Variants in CHRM3 observed in about 807,000 individuals in gnomAD.
The protein encoded by CHRM3 is muscarinic acetylcholine receptor M3.
A neutral mutation model predicts 41.8 loss-of-function variants in CHRM3; 11 were observed. The observed-to-expected ratio is 0.26, with a 90% CI of 0.17 to 0.44. The LOEUF (loss-of-function observed/expected upper bound fraction) is 0.44. CHRM3 is among the 20% of genes least tolerant of loss of function. The probability of loss-of-function intolerance (pLI) is 1.00; values close to 1 mark genes in which losing one functional copy is unlikely to be tolerated. For missense variants in CHRM3, 571 were observed against 745.4 expected (o/e 0.77, Z 2.72); for synonymous variants, 297 against 301.4 (o/e 0.99, Z 0.15).
intron 5 of CHRM3, chr1:239,719,430 G>A (rs1301322870): frequency 6.6e-6 from 1 of 151,956 alleles, no homozygotes; most frequent in African/African-American, 2.4e-5. Context: ...GCAGTTCTAA[G>A]GTGATTACAG....
intron 3 of CHRM3, among the ~76,000 whole-genome samples, chr1:239,602,974 G>A (rs1572878052): frequency 6.6e-6 from 1 of 152,024 alleles, no homozygotes. Context: ...TTTTAATGTG[G>A]CAAAACTGGT....
intron 1 of CHRM3, among the ~76,000 whole-genome samples, chr1:239,422,577 T>C (rs1265778944): frequency 6.6e-6 from 1 of 151,776 alleles, no homozygotes; most frequent in African/African-American, 2.4e-5. Context: ...AGGCGGATCA[T>C]GAGGTCAGGA....
At chr1:239,402,824 A>C (rs1445942428) in intron 1 of CHRM3, among the ~76,000 whole-genome samples, 1 of 152,176 alleles carries the variant, frequency 6.6e-6, no homozygotes, top group Non-Finnish European at 1.5e-5. Context: ...CCTCCCATGA[A>C]ATTTAAATCA....
chr1:239,479,666 T>G (rs530242454), intron 1 of CHRM3, among the ~76,000 whole-genome samples: 1 of 152,356 alleles, frequency 6.6e-6, no homozygotes, highest in South Asian at 2.1e-4. Flanking sequence ...TACAAACCTG[T>G]GCAGCATGTT....
intron 4 of CHRM3, among the ~76,000 whole-genome samples, chr1:239,648,174 C>G (rs951095372): frequency 6.6e-6 from 1 of 152,158 alleles, no homozygotes; most frequent in African/African-American, 2.4e-5. Context: ...TCTGCCCTAT[C>G]CACCCCCAAG....
rs540514097 is a variant in CHRM3, at chr1:239,792,263, C to T, written c.-146-34989C>T. Among the ~76,000 whole-genome samples the T allele has an allele frequency of 3.7e-4, 57 of 152,292 alleles. 1 individual carries two copies. Among genetic ancestry groups the T allele is most frequent in the Admixed American group, 5.9e-4 (9 of 15,308 alleles). ...TGTTGAGTACTTATTATATGCCTGT[C>T]ATTGCACCAGACACCAGGGAGCAGT... is the stretch of plus-strand genomic sequence containing the variant. On this transcript the variant is annotated intron_variant, in intron 5 of 6. Coordinates refer to ENST00000676153, the MANE Select transcript of CHRM3 (RefSeq NM_001375978.1).
chr1:239,605,668 A>G (rs1235197212), intron 3 of CHRM3, among the ~76,000 whole-genome samples: 1 of 152,210 alleles, frequency 6.6e-6, no homozygotes, highest in Non-Finnish European at 1.5e-5. Flanking sequence ...TCCAGTTTAC[A>G]ATGTATAACC....
chr1:239,414,175 G>A (rs1661321920), intron 1 of CHRM3, among the ~76,000 whole-genome samples: 1 of 152,164 alleles, frequency 6.6e-6, no homozygotes, highest in Non-Finnish European at 1.5e-5. Context: ...GGCGTGCCTT[G>A]TAAGTGTTCT....
intron 1 of CHRM3, among the ~76,000 whole-genome samples, chr1:239,469,021 T>G (rs1261145774): frequency 6.6e-6 from 1 of 152,116 alleles, no homozygotes; most frequent in Non-Finnish European, 1.5e-5. Context: ...AGACCAAAAG[T>G]CATTAATTCA....
At chr1:239,837,077 CA>C (rs745377852) in intron 6 of CHRM3, among the ~76,000 whole-genome samples, 21 of 151,860 alleles carry the variant, frequency 1.4e-4, no homozygotes, top group Non-Finnish European at 2.9e-4. Flanking sequence ...GCATGATAAA[CA>C]GGGTTGTAAG....
chr1:239,412,873 G>A (rs1661208255), intron 1 of CHRM3, among the ~76,000 whole-genome samples: 2 of 152,060 alleles, frequency 1.3e-5, no homozygotes, highest in East Asian at 1.9e-4. Context: ...GAGGTCAAGA[G>A]ATGGAGACCA....
At chr1:239,500,714 C>G (rs527550441) in intron 2 of CHRM3, among the ~76,000 whole-genome samples, 3 of 101,746 alleles carry the variant, frequency 2.9e-5, no homozygotes, top group Non-Finnish European at 7.1e-5. Flanking sequence ...AAAACACAAA[C>G]AACAACAACA....
At chr1:239,657,619 C>T (rs1672830960) in intron 4 of CHRM3, among the ~76,000 whole-genome samples, 1 of 152,132 alleles carries the variant, frequency 6.6e-6, no homozygotes, top group African/African-American at 2.4e-5. Flanking sequence ...TTTTAATTGC[C>T]TTTTTATATT....
intron 5 of CHRM3, among the ~76,000 whole-genome samples, chr1:239,733,302 A>G (rs1664121121): frequency 6.6e-6 from 1 of 152,018 alleles, no homozygotes; most frequent in African/African-American, 2.4e-5. Flanking sequence ...AGCTCCCCCA[A>G]AGTACGCATA....
intron 3 of CHRM3, among the ~76,000 whole-genome samples, chr1:239,586,692 A>G (rs1343082899): frequency 1.3e-5 from 2 of 152,074 alleles, no homozygotes; most frequent in African/African-American, 2.4e-5. Flanking sequence ...TTTGTGGGGA[A>G]ATTATAATTT....
chr1:239,473,282 G>C (rs922596612), intron 1 of CHRM3, among the ~76,000 whole-genome samples: 10 of 104,918 alleles, frequency 9.5e-5, no homozygotes, highest in Non-Finnish European at 2.1e-4. Context: ...AAAAAAAAAA[G>C]GACTTGCGAA....
At chr1:239,607,495 G>A (rs1001489656) in intron 3 of CHRM3, among the ~76,000 whole-genome samples, 1 of 151,992 alleles carries the variant, frequency 6.6e-6, no homozygotes, top group Non-Finnish European at 1.5e-5. Flanking sequence ...ACGTGCTTAC[G>A]AGACTGAAAT....
At chr1:239,723,029 A>G (rs1270042849) in intron 5 of CHRM3, among the ~76,000 whole-genome samples, 1 of 151,942 alleles carries the variant, frequency 6.6e-6, no homozygotes, top group Non-Finnish European at 1.5e-5. Context: ...CTTGGAGCCA[A>G]TAGAGACTTT....
chr1:239,850,425 C>T (rs1674607096), intron 6 of CHRM3, among the ~76,000 whole-genome samples: 1 of 152,088 alleles, frequency 6.6e-6, no homozygotes, highest in Non-Finnish European at 1.5e-5. Flanking sequence ...GCAGGAGAGG[C>T]AGGCACACTC....
Sources: allele counts gnomAD v4.1 joint callset (sites outside exome capture counted in the v4.1 genomes callset), GRCh38; gene constraint gnomAD v4.1.1; transcripts MANE v1.5; gene names NCBI Gene and HGNC (gene_info 2026-07-23, HGNC 2026-07-21).